Variants in MARCHF1 observed in about 807,000 individuals in gnomAD.
MARCHF1 encodes the protein E3 ubiquitin-protein ligase MARCHF1.
MARCHF1 carries 40 observed loss-of-function variants against 54.2 expected under a neutral mutation model. The observed-to-expected ratio is 0.74, with a 90% CI of 0.57 to 0.96. The LOEUF (loss-of-function observed/expected upper bound fraction) is 0.96, where lower values mean the gene tolerates loss of function less well. Among genes scored for constraint, MARCHF1 ranks in the 40% least tolerant of loss-of-function variants. The probability of loss-of-function intolerance (pLI) is 0.00; values close to 1 mark genes in which losing one functional copy is unlikely to be tolerated. For missense variants in MARCHF1, 586 were observed against 656.5 expected, an observed-to-expected ratio of 0.89 and a Z score of 1.17; for synonymous variants, 236 against 236.3, an observed-to-expected ratio of 1.00 and a Z score of 0.01.
At chr4:163,839,049 C>G (rs1749266926) in intron 4 of MARCHF1, among the ~76,000 whole-genome samples, 2 of 152,002 alleles carry the variant, frequency 1.3e-5, no homozygotes, top group South Asian at 4.2e-4. Context: ...ACTCTGACAA[C>G]ATAATAATAG....
At chr4:164,197,133 TTCCTCC>T (rs374180838) in intron 1 of MARCHF1, 98 of 1,574,468 alleles carry the variant, frequency 6.2e-5, no homozygotes, top group African/African-American at 1.1e-4. Flanking sequence ...CCTCTTCACC[TTCCTCC>T]TCCTCCTCCT....
chr4:163,762,875 T>C (rs141438744), intron 4 of MARCHF1, among the ~76,000 whole-genome samples: 1 of 152,226 alleles, frequency 6.6e-6, no homozygotes, highest in East Asian at 1.9e-4. Flanking sequence ...ACTAGCTTTC[T>C]GTTCATTATA....
chr4:164,084,481 C>T (rs1755157666), intron 2 of MARCHF1, among the ~76,000 whole-genome samples: 1 of 151,738 alleles, frequency 6.6e-6, no homozygotes, highest in African/African-American at 2.4e-5. Context: ...TCCACATTTT[C>T]CATGCTTTAG....
At chr4:163,587,317 C>T (rs1056726416) in intron 7 of MARCHF1, among the ~76,000 whole-genome samples, 12 of 152,132 alleles carry the variant, frequency 7.9e-5, no homozygotes, top group African/African-American at 2.9e-4. Context: ...TATATACACT[C>T]ATATGTTTAC....
At chr4:164,193,523 A>G (rs1731177485) in intron 1 of MARCHF1, among the ~76,000 whole-genome samples, 1 of 151,918 alleles carries the variant, frequency 6.6e-6, no homozygotes, top group Non-Finnish European at 1.5e-5. Context: ...AATAATGAGG[A>G]CCTCCAGTAA....
At chr4:163,683,986 C>A (rs1472339819) in intron 5 of MARCHF1, among the ~76,000 whole-genome samples, 2 of 152,198 alleles carry the variant, frequency 1.3e-5, no homozygotes, top group Non-Finnish European at 1.5e-5. Context: ...TTGGGCATCT[C>A]TCTCTCTCTC....
At chr4:163,669,887 C>T (rs1048254111) in intron 5 of MARCHF1, among the ~76,000 whole-genome samples, 14 of 151,516 alleles carry the variant, frequency 9.2e-5, no homozygotes, top group African/African-American at 2.7e-4. Context: ...TGTGAGCCAC[C>T]GCTCCCGGCC....
intron 1 of MARCHF1, among the ~76,000 whole-genome samples, chr4:164,244,109 G>C (rs1196801418): frequency 6.6e-6 from 1 of 151,598 alleles, no homozygotes; most frequent in Non-Finnish European, 1.5e-5. Context: ...AAGCGGACCT[G>C]ATAGACATCT....
intron 8 of MARCHF1, among the ~76,000 whole-genome samples, chr4:163,577,899 T>C (rs1740092014): frequency 6.6e-6 from 1 of 151,900 alleles, no homozygotes. Context: ...TTGAACTTCC[T>C]TAAATTAAGA....
chr4:163,611,381 C>T (rs538602352), intron 7 of MARCHF1, among the ~76,000 whole-genome samples: 9 of 152,124 alleles, frequency 5.9e-5, no homozygotes, highest in East Asian at 5.8e-4. Context: ...GTAATTCACA[C>T]GAACATGCAT....
chr4:163,767,478 C>T (rs1009153166), intron 4 of MARCHF1, among the ~76,000 whole-genome samples: 10 of 152,082 alleles, frequency 6.6e-5, no homozygotes, highest in South Asian at 4.2e-4. Flanking sequence ...GGACTACAGG[C>T]GCCCGCCACC....
rs7691092 is a variant in MARCHF1, at chr4:164,150,650, C to T, written c.-322-38988G>A. 7.2e-3 allele frequency among the ~76,000 whole-genome samples: 1,099 copies of T among 152,082 alleles called. 16 individuals are homozygous for T. The highest frequency in any genetic ancestry group is 0.025 in the African/African-American group (1,023 of 41,474). Reference sequence around the variant, plus strand: ...AACTGACCAGGAGTAAACAAAGTGTCGATTCTCTTCTACTCTAGACTTGGA... The same window carrying T: ...AACTGACCAGGAGTAAACAAAGTGTTGATTCTCTTCTACTCTAGACTTGGA... On this transcript the variant is annotated intron_variant, in intron 1 of 9. Transcript: ENST00000514618.
chr4:164,170,492 A>T (rs1730496057), intron 1 of MARCHF1, among the ~76,000 whole-genome samples: 1 of 152,118 alleles, frequency 6.6e-6, no homozygotes, highest in African/African-American at 2.4e-5. Context: ...TATCTTTTAC[A>T]ATCACCATGG....
chr4:163,964,581 C>T (rs1202178331), intron 3 of MARCHF1, among the ~76,000 whole-genome samples: 1 of 151,926 alleles, frequency 6.6e-6, no homozygotes, highest in African/African-American at 2.4e-5. Context: ...TAAGATAATG[C>T]CAAAACTCTT....
rs370178208 is a variant in MARCHF1, at chr4:163,953,243, G to A, written c.-39+35258C>T. On this transcript the variant is annotated intron_variant, in intron 3 of 9. Transcript: ENST00000514618. ...GTACATAGCATGCATCCTATTGGGTGAGGCATCGTGGCTACTGTGATACAA... is the reference window on the plus strand; with the variant it reads ...GTACATAGCATGCATCCTATTGGGTAAGGCATCGTGGCTACTGTGATACAA... Among the ~76,000 whole-genome samples, 10 of 152,222 alleles carry A rather than the reference G, an allele frequency of 6.6e-5. No individual in the cohort carries two copies. The East Asian group carries it at 1.9e-3, about 29-fold the overall frequency.
intron 1 of MARCHF1, among the ~76,000 whole-genome samples, chr4:164,337,347 G>T (rs1033950064): frequency 6.6e-6 from 1 of 152,178 alleles, no homozygotes; most frequent in Admixed American, 6.5e-5. Context: ...CATTTCACCT[G>T]CAGCACCTTA....
chr4:163,750,237 C>T (rs560531510), intron 4 of MARCHF1, among the ~76,000 whole-genome samples: 18 of 152,036 alleles, frequency 1.2e-4, no homozygotes, highest in Admixed American at 9.8e-4. Flanking sequence ...CAGGGCCAGG[C>T]GTGGTGGCTC....
At chr4:163,557,024 T>A (rs1739316313) in intron 8 of MARCHF1, among the ~76,000 whole-genome samples, 1 of 152,206 alleles carries the variant, frequency 6.6e-6, no homozygotes, top group Admixed American at 6.5e-5. Context: ...CGGAGACATT[T>A]TCCAAGTTAA....
intron 2 of MARCHF1, among the ~76,000 whole-genome samples, chr4:164,084,727 T>C (rs1031488660): frequency 4.1e-5 from 3 of 73,304 alleles, no homozygotes; most frequent in Admixed American, 1.4e-4. Context: ...AAGTAAGCAA[T>C]GTTTTTTCAG....
Sources: allele counts gnomAD v4.1 joint callset (sites outside exome capture counted in the v4.1 genomes callset), GRCh38; gene constraint gnomAD v4.1.1; transcripts MANE v1.5; gene names NCBI Gene and HGNC (gene_info 2026-07-23, HGNC 2026-07-21).